The following PELI2 variants were observed in gnomAD, a reference collection of about 807,000 sequenced individuals.
PELI2 encodes the protein E3 ubiquitin-protein ligase pellino homolog 2.
In PELI2, 23 loss-of-function variants were observed where a neutral mutation model predicts 42.3. That is an observed-to-expected ratio of 0.54 (90% confidence interval 0.39 to 0.77). PELI2 has a LOEUF of 0.77. Ranked by LOEUF, PELI2 falls within the 30% of genes least tolerant of loss-of-function variation. PELI2 has a pLI of 0.00. For missense variants in PELI2, 463 were observed against 553.2 expected (o/e 0.84, Z 1.64); for synonymous variants, 245 against 212.2 (o/e 1.15, Z -1.34).
At chr14:56,140,978 A>C (rs1883885746) in intron 1 of PELI2, among the ~76,000 whole-genome samples, 1 of 151,974 alleles carries the variant, frequency 6.6e-6, no homozygotes, top group Admixed American at 6.6e-5. Flanking sequence ...TTCCCCTCGT[A>C]CTCTATTGTT....
At chr14:56,230,569 G>C (rs932349113) in intron 2 of PELI2, among the ~76,000 whole-genome samples, 2 of 152,094 alleles carry the variant, frequency 1.3e-5, no homozygotes, top group African/African-American at 2.4e-5. Flanking sequence ...TTGTGACCAC[G>C]AGGCCTGCCT....
intron 1 of PELI2, among the ~76,000 whole-genome samples, chr14:56,150,951 G>C (rs1182471548): frequency 6.6e-6 from 1 of 152,164 alleles, no homozygotes; most frequent in Non-Finnish European, 1.5e-5. Context: ...GTAACTTTAT[G>C]GATAAGAAGA....
chr14:56,158,444 T>A (rs1054093465), intron 1 of PELI2, among the ~76,000 whole-genome samples: 5 of 152,166 alleles, frequency 3.3e-5, no homozygotes, highest in Non-Finnish European at 7.4e-5. Flanking sequence ...TGGGCTCCAG[T>A]GGTCCTCTCA....
chr14:56,152,665 C>G (rs974187015), intron 1 of PELI2, among the ~76,000 whole-genome samples: 3 of 152,132 alleles, frequency 2.0e-5, no homozygotes, highest in Non-Finnish European at 4.4e-5. Context: ...GTTTTGATCT[C>G]TTAATTTTTC....
At chr14:56,178,578 A>AT (rs1885469294) in intron 2 of PELI2, 114 bp downstream of exon 2, 1 of 1,186,920 alleles carries the variant, frequency 8.4e-7, no homozygotes, top group African/African-American at 1.5e-5. Context: ...CTCTCAGACC[A>AT]TTTGAGGCTG....
chr14:56,208,894 G>A (rs1267080709), intron 2 of PELI2, among the ~76,000 whole-genome samples: 2 of 152,146 alleles, frequency 1.3e-5, no homozygotes, highest in Non-Finnish European at 2.9e-5. Context: ...TTTCTATAGG[G>A]AAATTACAGG....
intron 1 of PELI2, among the ~76,000 whole-genome samples, chr14:56,169,729 G>C (rs1885099069): frequency 6.6e-6 from 1 of 152,076 alleles, no homozygotes; most frequent in South Asian, 2.1e-4. Context: ...GTGTCCTTGT[G>C]AGGTGGGACA....
intron 2 of PELI2, among the ~76,000 whole-genome samples, chr14:56,189,457 C>G (rs1018678091): frequency 6.6e-6 from 1 of 152,202 alleles, no homozygotes; most frequent in Non-Finnish European, 1.5e-5. Flanking sequence ...GCTAAAGCAA[C>G]TTTCATGGCT....
chr14:56,158,920 T>C (rs1035284667), intron 1 of PELI2, among the ~76,000 whole-genome samples: 4 of 152,222 alleles, frequency 2.6e-5, no homozygotes, highest in African/African-American at 9.7e-5. Context: ...TATATACTCA[T>C]TTTTAAAAAG....
In PELI2 at chr14:56,197,784, C is replaced by T. The variant is rs1164570368; in HGVS notation, c.207+19320C>T. Among the ~76,000 whole-genome samples, 1 of 152,008 alleles carries T rather than the reference C, an allele frequency of 6.6e-6. No homozygotes were observed. The highest frequency in any genetic ancestry group is 1.9e-4 in the East Asian group (1 of 5,180). ...ATAGAACGAAAAGATTAACCCAATC[C>T]AAGCAAGAGGGAATTATCAGCAGAT... On this transcript the variant is annotated intron_variant, in intron 2 of 5. Coordinates refer to ENST00000267460, the MANE Select transcript of PELI2 (RefSeq NM_021255.3). The surrounding 1 kb of genome is among the most constrained non-coding windows in gnomAD (Gnocchi z 4.9).
intron 2 of PELI2, among the ~76,000 whole-genome samples, chr14:56,255,020 G>A (rs1482616196): frequency 2.0e-5 from 3 of 152,162 alleles, no homozygotes; most frequent in Admixed American, 6.5e-5. Context: ...TAATGGGAAC[G>A]CTTTTACACT....
In PELI2 at chr14:56,189,034, C is replaced by A. The variant is rs1594622809; in HGVS notation, c.207+10570C>A. Reference sequence around the variant, plus strand: ...AATCAGCCGGGTGTGGTGGCCTGTGCCTGTAGTCCCAGCTACTGGGGAGGC... The same window carrying A: ...AATCAGCCGGGTGTGGTGGCCTGTGACTGTAGTCCCAGCTACTGGGGAGGC... On this transcript the variant is annotated intron_variant, in intron 2 of 5. Coordinates refer to ENST00000267460, the MANE Select transcript of PELI2 (RefSeq NM_021255.3). Among the ~76,000 whole-genome samples, 4 of 152,270 alleles carry A rather than the reference C, an allele frequency of 2.6e-5. 1 individual carries two copies. Among genetic ancestry groups the A allele is most frequent in the African/African-American group, 9.6e-5 (4 of 41,564 alleles).
At chr14:56,217,054 G>A (rs1489990250) in intron 2 of PELI2, among the ~76,000 whole-genome samples, 3 of 134,026 alleles carry the variant, frequency 2.2e-5, no homozygotes, top group African/African-American at 7.6e-5. Flanking sequence ...AATACATTAA[G>A]GAAAGTGTTT....
chr14:56,119,221 C>T (rs536057130), intron 1 of PELI2: 4 of 151,986 alleles, frequency 2.6e-5, no homozygotes, highest in South Asian at 2.1e-4. Flanking sequence ...GTACCCGCGC[C>T]CCCGAACTCC....
rs1217005629 is a variant in PELI2 at position 56,118,534 on chromosome 14, C to T, written c.-127C>T. The T allele has an allele frequency of 2.0e-6, 1 of 508,380 alleles. No individual in the cohort carries two copies. Among genetic ancestry groups the T allele is most frequent in the Non-Finnish European group, 3.1e-6 (1 of 327,642 alleles). 31.5% of individuals were successfully genotyped at this position (508,380 alleles called of 1,614,324 possible). On this transcript the variant is annotated 5_prime_UTR_variant, in exon 1 of 6. Transcript: ENST00000267460. Reference sequence around the variant, plus strand: ...ACTGGCCGCCCCGCGCCCCCTTCGCCGCCGTGCCCTTCCCCGGCGCGCTCA... The same window carrying T: ...ACTGGCCGCCCCGCGCCCCCTTCGCTGCCGTGCCCTTCCCCGGCGCGCTCA...
In PELI2 at chr14:56,288,666, G is replaced by C. The variant is rs1889722036; in HGVS notation, c.507+32G>C. ...ACTGTCAAGAAGTACACGATTTCTA[G>C]AAAAATGCTTGTGATTATGATATGG... On this transcript the variant is annotated intron_variant, in intron 4 of 5. Coordinates refer to ENST00000267460, the MANE Select transcript of PELI2 (RefSeq NM_021255.3). This position sits in a 1 kb window ranked among gnomAD's most constrained non-coding sequence, Gnocchi z 4.6. 1 of 1,519,096 alleles carries C rather than the reference G, an allele frequency of 6.6e-7. No homozygotes were observed. 94.1% of individuals were successfully genotyped at this position (1,519,096 alleles called of 1,614,324 possible). A position where few individuals can be genotyped will look rare whatever the true frequency, so the allele number is the denominator to read the frequency against.
At chr14:56,119,450 T>TC (rs1331203113) in intron 1 of PELI2, among the ~76,000 whole-genome samples, 1 of 151,966 alleles carries the variant, frequency 6.6e-6, no homozygotes, top group African/African-American at 2.4e-5. Context: ...GCGGGCCGTA[T>TC]CCCCCCGGTC....
intron 5 of PELI2, among the ~76,000 whole-genome samples, chr14:56,291,845 G>T (rs34732416): frequency 1.3e-5 from 2 of 152,148 alleles, no homozygotes; most frequent in Non-Finnish European, 2.9e-5. Context: ...ATTGCCCAGT[G>T]TCACAGAGTT....
chr14:56,215,759 A>T (rs528983856), intron 2 of PELI2, among the ~76,000 whole-genome samples: 26 of 152,308 alleles, frequency 1.7e-4, no homozygotes, highest in Admixed American at 3.3e-4. Context: ...TGAACTCACT[A>T]TTGTTTAATT....
Sources: allele counts gnomAD v4.1 joint callset (sites outside exome capture counted in the v4.1 genomes callset), GRCh38; gene constraint gnomAD v4.1.1; non-coding constraint Gnocchi (gnomAD v3.1); transcripts MANE v1.5; gene names NCBI Gene and HGNC (gene_info 2026-07-23, HGNC 2026-07-21).